The following PDSS2 variants were observed in gnomAD, a reference collection of about 807,000 sequenced individuals.
PDSS2 encodes all trans-polyprenyl-diphosphate synthase PDSS2.
Under a neutral mutation model 44.5 loss-of-function variants are expected in PDSS2, and 31 were observed. The ratio of observed to expected loss-of-function variants is 0.70; its 90% CI spans 0.52 to 0.94. The LOEUF (loss-of-function observed/expected upper bound fraction) is 0.94. Ranked by LOEUF, PDSS2 falls within the 40% of genes least tolerant of loss-of-function variation. The pLI, the probability that PDSS2 is intolerant of heterozygous loss-of-function variation, is 0.00. For missense variants in PDSS2, 452 were observed against 482.2 expected (o/e 0.94, Z 0.59); for synonymous variants, 157 against 180.3 (o/e 0.87, Z 1.03).
At chr6:107,165,665 T>C (rs1562345810) in intron 7 of PDSS2, among the ~76,000 whole-genome samples, 2 of 151,846 alleles carry the variant, frequency 1.3e-5, no homozygotes, top group African/African-American at 4.8e-5. Context: ...TTTGGTTCCA[T>C]ATGAACTTTA....
At chr6:107,448,159 C>T (rs1416742762) in intron 1 of PDSS2, among the ~76,000 whole-genome samples, 1 of 152,144 alleles carries the variant, frequency 6.6e-6, no homozygotes. Context: ...GGAGGGGCTG[C>T]CAAGAAGGTC....
Position 107,413,937 on chromosome 6 carries a change from G to A in PDSS2, c.296+45053C>T, listed in dbSNP as rs1442378265. Among the ~76,000 whole-genome samples, 13 of 152,190 alleles carry A rather than the reference G, an allele frequency of 8.5e-5. No homozygotes were observed. In the South Asian group the frequency reaches 1.2e-3, roughly 15 times the overall value. On this transcript the variant is annotated intron_variant, in intron 1 of 7. Coordinates refer to ENST00000369037, the MANE Select transcript of PDSS2 (RefSeq NM_020381.4). ...GGAGAGAGAATAGAGTGAAGAGAGC[G>A]ATTCAACATTTAATCACCTGGATAG...
chr6:107,183,231 T>C (rs563290621), intron 7 of PDSS2, among the ~76,000 whole-genome samples: 4 of 150,348 alleles, frequency 2.7e-5, no homozygotes, highest in Non-Finnish European at 4.4e-5. Flanking sequence ...AAAAGTTACA[T>C]AGTTGCACCC....
chr6:107,274,464 G>C (rs536330013), intron 2 of PDSS2, among the ~76,000 whole-genome samples: 2 of 152,118 alleles, frequency 1.3e-5, no homozygotes, highest in African/African-American at 4.8e-5. Context: ...AAGTCACTAG[G>C]ATATCCCAGA....
At chr6:107,318,347 G>A (rs927729577) in intron 2 of PDSS2, among the ~76,000 whole-genome samples, 1 of 152,046 alleles carries the variant, frequency 6.6e-6, no homozygotes, top group East Asian at 1.9e-4. Flanking sequence ...GCAGTGCTAG[G>A]CACCCATCCT....
chr6:107,404,121 A>G lies in PDSS2; in HGVS notation c.296+54869T>C, dbSNP rs554972824. 2.6e-5 allele frequency among the ~76,000 whole-genome samples: 4 copies of G among 152,254 alleles called. No homozygotes were observed. In the East Asian group the frequency reaches 7.7e-4, roughly 29 times the overall value. On this transcript the variant is annotated intron_variant, in intron 1 of 7. Transcript: ENST00000369037. The stretch of plus-strand genomic sequence containing the variant: ...CTCTCTCAAGTTCAAAGTTCCATAC[A>G]TCTCTAGGGCAGGGCAAAATGACAC...
At chr6:107,402,234 T>G (rs1583038991) in intron 1 of PDSS2, among the ~76,000 whole-genome samples, 1 of 150,326 alleles carries the variant, frequency 6.7e-6, no homozygotes, top group East Asian at 2.0e-4. Flanking sequence ...GAGCCGAGAT[T>G]GCGCCATTAC....
chr6:107,453,686 T>C (rs1438162751), intron 1 of PDSS2, among the ~76,000 whole-genome samples: 4 of 152,188 alleles, frequency 2.6e-5, no homozygotes, highest in African/African-American at 7.2e-5. Context: ...ATTTTAGTTA[T>C]CCTAAAATGT....
intron 7 of PDSS2, among the ~76,000 whole-genome samples, chr6:107,193,084 T>C (rs777501981): frequency 6.6e-6 from 1 of 152,266 alleles, no homozygotes; most frequent in Non-Finnish European, 1.5e-5. Flanking sequence ...ACCTGCTAAA[T>C]GTTCCATTTG....
At chr6:107,263,795 A>C (rs1262229605) in intron 3 of PDSS2, among the ~76,000 whole-genome samples, 3 of 152,232 alleles carry the variant, frequency 2.0e-5, no homozygotes, top group Non-Finnish European at 4.4e-5. Context: ...AATCAGAAAA[A>C]AACTGAAGAA....
intron 7 of PDSS2, among the ~76,000 whole-genome samples, chr6:107,186,615 CT>C (rs1268579125): frequency 6.6e-6 from 1 of 152,140 alleles, no homozygotes; most frequent in African/African-American, 2.4e-5. Context: ...TCGCGCCCCC[CT>C]ACCCCCCAAC....
intron 6 of PDSS2, among the ~76,000 whole-genome samples, chr6:107,199,627 T>C (rs1772701247): frequency 6.6e-6 from 1 of 152,258 alleles, no homozygotes; most frequent in African/African-American, 2.4e-5. Flanking sequence ...ATATGCTTCG[T>C]CTACAATCTC....
chr6:107,225,625 C>T (rs1192592484), intron 4 of PDSS2, among the ~76,000 whole-genome samples: 4 of 151,902 alleles, frequency 2.6e-5, no homozygotes, highest in South Asian at 2.1e-4. Context: ...AGATGAAGTT[C>T]GTGATTAGAA....
intron 6 of PDSS2, among the ~76,000 whole-genome samples, chr6:107,206,160 C>T (rs1772968436): frequency 6.6e-6 from 1 of 152,158 alleles, no homozygotes; most frequent in African/African-American, 2.4e-5. Context: ...CAACCTCTGC[C>T]TCCTGGGCTC....
chr6:107,274,667 C>CTTTTTTT (rs5878910), intron 2 of PDSS2, among the ~76,000 whole-genome samples: 14 of 106,556 alleles, frequency 1.3e-4, no homozygotes, highest in Non-Finnish European at 1.2e-4. Context: ...ATCTCTCTCT[C>CTTTTTTT]TTTTTTTTTT....
intron 7 of PDSS2, among the ~76,000 whole-genome samples, chr6:107,192,848 G>A (rs1772427850): frequency 6.6e-6 from 1 of 152,150 alleles, no homozygotes; most frequent in Admixed American, 6.5e-5. Context: ...TGGGGGCCAT[G>A]GGTGTGCCCC....
intron 1 of PDSS2, among the ~76,000 whole-genome samples, chr6:107,458,449 A>C (rs145519045): frequency 1.4e-3 from 189 of 138,612 alleles, no homozygotes; most frequent in Non-Finnish European, 2.7e-3. Context: ...TAAATCCTAA[A>C]GGCAGGTTTC....
intron 5 of PDSS2, among the ~76,000 whole-genome samples, chr6:107,211,582 T>C (rs1327117070): frequency 6.6e-6 from 1 of 150,400 alleles, no homozygotes. Flanking sequence ...ATACAAAAAT[T>C]AGCCAGGCGT....
intron 7 of PDSS2, among the ~76,000 whole-genome samples, chr6:107,159,762 C>T (rs1771056979): frequency 6.6e-6 from 1 of 152,064 alleles, no homozygotes; most frequent in Non-Finnish European, 1.5e-5. Flanking sequence ...TGATATTAGG[C>T]AGACCAACAT....
Sources: gnomAD v4.1 joint callset for allele counts (sites outside exome capture counted in the v4.1 genomes callset) on GRCh38, gnomAD v4.1.1 for gene constraint, MANE v1.5 for transcripts, NCBI Gene and HGNC (gene_info 2026-07-23, HGNC 2026-07-21) for gene names.